SAMMSON: variants seen among roughly 807,000 people sequenced by gnomAD.
The protein encoded by SAMMSON is survival associated mitochondrial melanoma specific oncogenic non-coding RNA, also known as long intergenic non-protein coding RNA 1212.
At chr3:70,112,352 G>A (rs983700959) in intron 4 of SAMMSON, among the ~76,000 whole-genome samples, 2 of 152,070 alleles carry the variant, frequency 1.3e-5, no homozygotes, top group Non-Finnish European at 2.9e-5. Context: ...AGCAGTAAGG[G>A]GTGAAGCCAG....
At chr3:70,048,954 TGA>T (rs1042254040) in intron 3 of SAMMSON, among the ~76,000 whole-genome samples, 2 of 152,102 alleles carry the variant, frequency 1.3e-5, no homozygotes, top group Non-Finnish European at 2.9e-5. Flanking sequence ...AATTTTCCAA[TGA>T]GGCAAATTGC....
At chr3:70,012,122 T>C (rs947200253) in intron 1 of SAMMSON, among the ~76,000 whole-genome samples, 5 of 152,074 alleles carry the variant, frequency 3.3e-5, no homozygotes, top group African/African-American at 1.2e-4. Context: ...GAGATGTGAC[T>C]CCAAACTGAA....
chr3:70,330,520 A>G (rs1702614586), intron 7 of SAMMSON, among the ~76,000 whole-genome samples: 2 of 152,150 alleles, frequency 1.3e-5, no homozygotes, highest in Non-Finnish European at 2.9e-5. Context: ...CCAGAAAATA[A>G]TGGAAGGAGA....
At chr3:70,241,730 C>T (rs979561356) in intron 4 of SAMMSON, among the ~76,000 whole-genome samples, 1 of 152,098 alleles carries the variant, frequency 6.6e-6, no homozygotes, top group African/African-American at 2.4e-5. Flanking sequence ...GCTACTAAGG[C>T]GTCTAATGTC....
At chr3:70,151,036 T>G (rs2067569296) in intron 4 of SAMMSON, among the ~76,000 whole-genome samples, 1 of 152,056 alleles carries the variant, frequency 6.6e-6, no homozygotes, top group South Asian at 2.1e-4. Flanking sequence ...AAATATGTAT[T>G]GTTTACATGT....
chr3:70,285,611 T>C (rs1482861883), intron 6 of SAMMSON, among the ~76,000 whole-genome samples: 1 of 151,566 alleles, frequency 6.6e-6, no homozygotes, highest in African/African-American at 2.4e-5. Context: ...TTTCTAGTTC[T>C]AGATCCCTGA....
At chr3:70,431,732 C>A (rs893436412) in intron 2 of SAMMSON, among the ~76,000 whole-genome samples, 1 of 151,960 alleles carries the variant, frequency 6.6e-6, no homozygotes, top group Non-Finnish European at 1.5e-5. Flanking sequence ...CAGAAAGTGT[C>A]CTCATGACCT....
At chr3:70,200,170 G>A (rs1168792526) in intron 4 of SAMMSON, among the ~76,000 whole-genome samples, 3 of 152,222 alleles carry the variant, frequency 2.0e-5, no homozygotes, top group Non-Finnish European at 2.9e-5. Context: ...TTTAGCTCTG[G>A]CCACCATCAG....
At chr3:70,026,077 AAG>A (rs562612143) in intron 3 of SAMMSON, among the ~76,000 whole-genome samples, 169 of 152,312 alleles carry the variant, frequency 1.1e-3, no homozygotes, top group African/African-American at 3.6e-3. Context: ...AAAGTAAAAA[AAG>A]AGAAAATAAT....
At chr3:70,433,826 A>C (rs928374643) in intron 2 of SAMMSON, among the ~76,000 whole-genome samples, 1 of 152,186 alleles carries the variant, frequency 6.6e-6, no homozygotes, top group Non-Finnish European at 1.5e-5. Flanking sequence ...TGAAAGATGT[A>C]AGATCTGTGT....
chr3:70,414,878 T>G (rs1373826692), intron 2 of SAMMSON, among the ~76,000 whole-genome samples: 1 of 152,172 alleles, frequency 6.6e-6, no homozygotes, highest in Non-Finnish European at 1.5e-5. Flanking sequence ...ATTTCTAAAG[T>G]AAATATAATT....
Position 70,221,622 on chromosome 3 carries a change from T to C in SAMMSON, n.508-27485T>C, listed in dbSNP as rs78332798. 2.2e-3 allele frequency among the ~76,000 whole-genome samples: 332 copies of C among 152,270 alleles called. 1 individual carries two copies. Among genetic ancestry groups the C allele is most frequent in the African/African-American group, 6.9e-3 (286 of 41,564 alleles). The stretch of plus-strand genomic sequence containing the variant: ...ACAGGCATTCCTTCTGTGCTGTCTC[T>C]AACCTGATTTTGGAAACCAGTATAA... On this transcript the variant is annotated intron_variant and non_coding_transcript_variant, in intron 4 of 9. Coordinates refer to ENST00000642114, the Ensembl canonical transcript of SAMMSON.
chr3:70,295,412 C>T (rs1217948903), intron 7 of SAMMSON, among the ~76,000 whole-genome samples: 1 of 151,990 alleles, frequency 6.6e-6, no homozygotes, highest in Non-Finnish European at 1.5e-5. Context: ...GCTTACATAC[C>T]ATAATGAAAG....
chr3:70,081,565 A>T (rs984075263), intron 4 of SAMMSON, among the ~76,000 whole-genome samples: 2 of 152,222 alleles, frequency 1.3e-5, no homozygotes, highest in African/African-American at 4.8e-5. Flanking sequence ...GCACTCAATG[A>T]ATATACGTTG....
At chr3:70,184,076 G>A (rs1701073917) in intron 4 of SAMMSON, 1 of 152,110 alleles carries the variant, frequency 6.6e-6, no homozygotes, top group South Asian at 2.1e-4. Context: ...TGGGGTTTGG[G>A]TCATTTGATT....
At chr3:70,190,915 C>T (rs1226204745) in intron 4 of SAMMSON, among the ~76,000 whole-genome samples, 3 of 152,154 alleles carry the variant, frequency 2.0e-5, no homozygotes, top group African/African-American at 7.2e-5. Context: ...AGAGTAGTGA[C>T]AGTGGGACCA....
At chr3:70,381,677 G>C (rs931417249) in intron 9 of SAMMSON, among the ~76,000 whole-genome samples, 3 of 151,868 alleles carry the variant, frequency 2.0e-5, no homozygotes, top group Admixed American at 2.0e-4. Flanking sequence ...CAGGAAGTAA[G>C]GGGAGAAAAA....
chr3:70,224,792 C>T (rs1347800500), intron 4 of SAMMSON, among the ~76,000 whole-genome samples: 2 of 151,994 alleles, frequency 1.3e-5, no homozygotes, highest in Non-Finnish European at 2.9e-5. Flanking sequence ...TAAAACATTG[C>T]AGTTGATAAT....
At chr3:70,215,219 A>G (rs988000241) in intron 4 of SAMMSON, among the ~76,000 whole-genome samples, 1 of 152,144 alleles carries the variant, frequency 6.6e-6, no homozygotes. Context: ...GGAAACTGAT[A>G]GAGGGTCAGA....
Sources: allele counts gnomAD v4.1 joint callset (sites outside exome capture counted in the v4.1 genomes callset), GRCh38; gene constraint gnomAD v4.1.1; transcripts MANE v1.5; gene names NCBI Gene and HGNC (gene_info 2026-07-23, HGNC 2026-07-21).